KCNG2: variants seen among roughly 807,000 people sequenced by gnomAD.
KCNG2 encodes voltage-gated potassium channel regulatory subunit KCNG2.
In KCNG2, 7 loss-of-function variants were observed where a neutral mutation model predicts 12.3. The ratio of observed to expected loss-of-function variants is 0.57; its 90% CI spans 0.32 to 1.07. The LOEUF (loss-of-function observed/expected upper bound fraction) is 1.07. KCNG2 is among the 50% of genes least tolerant of loss of function. The probability of loss-of-function intolerance (pLI) is 0.04; values close to 1 mark genes in which losing one functional copy is unlikely to be tolerated. For synonymous variants in KCNG2, 414 were observed against 351.4 expected (o/e 1.18, Z -1.99); for missense variants, 703 against 726.0 (o/e 0.97, Z 0.36).
intron 1 of KCNG2, among the ~76,000 whole-genome samples, chr18:79,807,015 T>C (rs1372672043): frequency 6.6e-6 from 1 of 152,174 alleles, no homozygotes; most frequent in African/African-American, 2.4e-5. Context: ...GTTTAAATGT[T>C]AGAAATAGCC....
chr18:79,857,002 C>T (rs1300197392), intron 2 of KCNG2, among the ~76,000 whole-genome samples: 1 of 135,850 alleles, frequency 7.4e-6, no homozygotes, highest in Non-Finnish European at 1.6e-5. Flanking sequence ...TCTGCTGGGC[C>T]AGCCCTCCGT....
intron 2 of KCNG2, among the ~76,000 whole-genome samples, chr18:79,862,996 T>C (rs11665111): frequency 0.46 from 69,824 of 152,166 alleles, 18,560 homozygotes; most frequent in Middle Eastern, 0.6. Context: ...TGTTCTTTCT[T>C]AGTGCCCCAC....
intron 3 of KCNG2, among the ~76,000 whole-genome samples, chr18:79,879,446 A>G (rs1354964342): frequency 2.6e-5 from 4 of 152,174 alleles, no homozygotes; most frequent in Non-Finnish European, 5.9e-5. Context: ...CAGGGACGCC[A>G]AGAGGGCAGA....
At chr18:79,799,309 G>C (rs1460375291) in intron 1 of KCNG2, among the ~76,000 whole-genome samples, 1 of 152,154 alleles carries the variant, frequency 6.6e-6, no homozygotes, top group Non-Finnish European at 1.5e-5. Context: ...GAGGCTTCCC[G>C]AGACCCCAAG....
At chr18:79,852,626 A>T (rs1313823459) in intron 1 of KCNG2, among the ~76,000 whole-genome samples, 1 of 152,242 alleles carries the variant, frequency 6.6e-6, no homozygotes, top group Non-Finnish European at 1.5e-5. Flanking sequence ...TTCCTCGAAG[A>T]TCACCGTTGT....
intron 1 of KCNG2, among the ~76,000 whole-genome samples, chr18:79,807,656 A>G (rs1034654449): frequency 7.2e-5 from 11 of 152,088 alleles, no homozygotes; most frequent in Admixed American, 7.2e-4. Context: ...TGAAGAAACA[A>G]GTCCAGCTGT....
chr18:79,811,955 G>A (rs536026522), intron 1 of KCNG2, among the ~76,000 whole-genome samples: 2 of 152,258 alleles, frequency 1.3e-5, no homozygotes, highest in African/African-American at 4.8e-5. Context: ...CATGGGCAGA[G>A]AGTCACAGGG....
At chr18:79,880,524 T>C (rs551385296) in intron 3 of KCNG2, among the ~76,000 whole-genome samples, 1 of 152,118 alleles carries the variant, frequency 6.6e-6, no homozygotes, top group South Asian at 2.1e-4. Flanking sequence ...AACAAAAATT[T>C]AAGGAATAAA....
At chr18:79,892,554 C>G (rs1052886000) in intron 3 of KCNG2, among the ~76,000 whole-genome samples, 1 of 152,148 alleles carries the variant, frequency 6.6e-6, no homozygotes. Flanking sequence ...GGGTCTGTGT[C>G]TGCTTTTAAT....
At chr18:79,890,008 T>C (rs1461560568) in intron 3 of KCNG2, among the ~76,000 whole-genome samples, 4 of 152,266 alleles carry the variant, frequency 2.6e-5, no homozygotes, top group Admixed American at 6.5e-5. Context: ...AATATGGATA[T>C]GATGTATCAC....
intron 3 of KCNG2, among the ~76,000 whole-genome samples, chr18:79,873,834 AAAG>A (rs1568266258): frequency 1.3e-5 from 2 of 152,200 alleles, no homozygotes; most frequent in African/African-American, 2.4e-5. Context: ...GATTTAGCCC[AAAG>A]AAGGCAGCAG....
chr18:79,872,037 C>G (rs1429797744), intron 3 of KCNG2, among the ~76,000 whole-genome samples: 1 of 152,176 alleles, frequency 6.6e-6, no homozygotes, highest in African/African-American at 2.4e-5. Context: ...CCGCACACCC[C>G]TCAGCCCTTG....
intron 2 of KCNG2, among the ~76,000 whole-genome samples, chr18:79,860,015 G>A (rs1323265181): frequency 6.6e-6 from 1 of 152,224 alleles, no homozygotes; most frequent in African/African-American, 2.4e-5. Flanking sequence ...CGGTGCCAAT[G>A]TCTGCTAAGC....
At chr18:79,853,663 G>A (rs561520560) in intron 1 of KCNG2, among the ~76,000 whole-genome samples, 1 of 152,330 alleles carries the variant, frequency 6.6e-6, no homozygotes, top group South Asian at 2.1e-4. Flanking sequence ...AGCGAGTCAG[G>A]AGCTTCCAGA....
intron 1 of KCNG2, among the ~76,000 whole-genome samples, chr18:79,827,009 A>C (rs1568247716): frequency 6.6e-6 from 1 of 152,266 alleles, no homozygotes. Context: ...CTTTCTGTTC[A>C]GGACGCTGAG....
chr18:79,860,663 ATGTGTGTG>A (rs60081220), intron 2 of KCNG2, among the ~76,000 whole-genome samples: 1 of 151,468 alleles, frequency 6.6e-6, no homozygotes, highest in Admixed American at 6.6e-5. Context: ...TCTCATAGTG[ATGTGTGTG>A]TGTGTGTGTG....
At chr18:79,893,190 T>C (rs1002473161) in intron 3 of KCNG2, among the ~76,000 whole-genome samples, 6 of 152,210 alleles carry the variant, frequency 3.9e-5, no homozygotes, top group South Asian at 2.1e-4. Context: ...TGTCCGCTTT[T>C]GATTGGGTTC....
intron 3 of KCNG2, among the ~76,000 whole-genome samples, chr18:79,866,278 G>GTGTGCTGAGAGATCTC (rs1979538326): frequency 6.8e-6 from 1 of 146,862 alleles, no homozygotes; most frequent in African/African-American, 2.5e-5. Flanking sequence ...TGAGAGATCT[G>GTGTGCTGAGAGATCTC]TGTGATGAGA....
chr18:79,808,106 A>G (rs1452759273), intron 1 of KCNG2, among the ~76,000 whole-genome samples: 46 of 124,382 alleles, frequency 3.7e-4, no homozygotes, highest in African/African-American at 1.3e-3. Flanking sequence ...ACTCCACGTT[A>G]TGGGCCCAGA....
Sources: gnomAD v4.1 joint callset for allele counts (sites outside exome capture counted in the v4.1 genomes callset) on GRCh38, gnomAD v4.1.1 for gene constraint, MANE v1.5 for transcripts, NCBI Gene and HGNC (gene_info 2026-07-23, HGNC 2026-07-21) for gene names.